Variants in FBXO36 observed in about 807,000 individuals in gnomAD.
FBXO36 encodes F-box protein 36.
A neutral mutation model predicts 17.0 loss-of-function variants in FBXO36; 18 were observed. That is an observed-to-expected ratio of 1.06 (90% confidence interval 0.73 to 1.57). The LOEUF is 1.57. FBXO36 is among the 40% of genes most tolerant of loss of function. FBXO36 has a pLI of 0.00. For synonymous variants in FBXO36, 83 were observed against 85.3 expected (o/e 0.97, Z 0.15); for missense variants, 229 against 221.9 (o/e 1.03, Z -0.20).
chr2:230,009,861 A>T (rs1269396081), intron 3 of FBXO36, among the ~76,000 whole-genome samples: 1 of 152,172 alleles, frequency 6.6e-6, no homozygotes, highest in African/African-American at 2.4e-5. Flanking sequence ...CAGCAGAATC[A>T]CTTGAACCCA....
At chr2:229,980,210 A>G (rs1432794746) in intron 2 of FBXO36, among the ~76,000 whole-genome samples, 2 of 151,988 alleles carry the variant, frequency 1.3e-5, no homozygotes, top group Admixed American at 1.3e-4. Context: ...ACAGGCACAC[A>G]CCACCACACC....
At position 229,969,448 on chromosome 2, in the gene FBXO36, G is replaced by A. The variant is rs191310853; in HGVS notation, c.97-6793G>A. Among the ~76,000 whole-genome samples the A allele has an allele frequency of 7.1e-3, 1,077 of 151,966 alleles. 16 individuals are homozygous for A. The highest frequency in any genetic ancestry group is 0.024 in the African/African-American group (1,011 of 41,432). ...TCACGCCTGTAATCCCAGCACTCTG[G>A]GAGGCTGAGGCGGGTGGATCACGAG... On this transcript the variant is annotated intron_variant, in intron 1 of 3. Transcript: ENST00000283946.
intron 3 of FBXO36, among the ~76,000 whole-genome samples, chr2:229,997,260 G>A (rs1308785869): frequency 1.3e-5 from 2 of 151,548 alleles, no homozygotes; most frequent in African/African-American, 4.8e-5. Flanking sequence ...GAAGACAGGT[G>A]ATCTGGGTTA....
chr2:229,938,422 G>C (rs2076977826), intron 1 of FBXO36, among the ~76,000 whole-genome samples: 1 of 147,812 alleles, frequency 6.8e-6, no homozygotes, highest in South Asian at 2.1e-4. Flanking sequence ...GGGTTGTAGA[G>C]ATGGCGTTGT....
chr2:229,989,709 C>A (rs1462491852), intron 2 of FBXO36, among the ~76,000 whole-genome samples: 1 of 150,720 alleles, frequency 6.6e-6, no homozygotes, highest in Admixed American at 6.6e-5. Context: ...TACAGGCACC[C>A]ACCACCACGC....
intron 2 of FBXO36, among the ~76,000 whole-genome samples, chr2:229,987,469 G>C (rs1326266987): frequency 6.6e-6 from 1 of 151,560 alleles, no homozygotes; most frequent in East Asian, 1.9e-4. Flanking sequence ...TTTTTTCATA[G>C]AACTAACTTT....
intron 1 of FBXO36, among the ~76,000 whole-genome samples, chr2:229,948,424 CT>C (rs1350579890): frequency 5.3e-5 from 8 of 151,900 alleles, no homozygotes; most frequent in Non-Finnish European, 7.4e-5. Flanking sequence ...TACATTCTTC[CT>C]GTGGCAGAAA....
At chr2:229,935,270 A>AT (rs2076958341) in intron 1 of FBXO36, among the ~76,000 whole-genome samples, 1 of 152,180 alleles carries the variant, frequency 6.6e-6, no homozygotes, top group Non-Finnish European at 1.5e-5. Flanking sequence ...AAGCCTGAAA[A>AT]TCATAAGAGT....
intron 1 of FBXO36, among the ~76,000 whole-genome samples, chr2:229,929,414 A>C (rs1035023056): frequency 5.9e-5 from 9 of 151,954 alleles, no homozygotes; most frequent in African/African-American, 2.2e-4. Context: ...AAAAATAGAA[A>C]AATTAGCCAG....
chr2:229,925,929 C>T (rs2076909608), intron 1 of FBXO36, among the ~76,000 whole-genome samples: 1 of 151,822 alleles, frequency 6.6e-6, no homozygotes, highest in African/African-American at 2.4e-5. Context: ...TTTAGTTTCT[C>T]GAAGCTGATC....
intron 2 of FBXO36, among the ~76,000 whole-genome samples, chr2:229,978,917 C>T (rs1294432927): frequency 6.6e-6 from 1 of 152,092 alleles, no homozygotes; most frequent in African/African-American, 2.4e-5. Flanking sequence ...TGGCTCATGC[C>T]TGTAATGCCA....
At chr2:229,937,118 A>G (rs2076968016) in intron 1 of FBXO36, among the ~76,000 whole-genome samples, 2 of 152,132 alleles carry the variant, frequency 1.3e-5, no homozygotes, top group Non-Finnish European at 2.9e-5. Flanking sequence ...TGCTAATTAA[A>G]CTTCGATTTC....
chr2:229,995,670 G>A lies in FBXO36; in HGVS notation c.206-1081G>A, dbSNP rs554066978. Among the ~76,000 whole-genome samples the A allele has an allele frequency of 6.8e-5, 9 of 133,042 alleles. No homozygotes were observed. In the South Asian group the frequency reaches 1.2e-3, roughly 18 times the overall value. 87.3% of individuals were successfully genotyped at this position (133,042 alleles called of 152,430 possible). ...TGCAATGGCATGATCTCAGCTCACC[G>A]CAACCTCCGCCTCCCGGGTTCAAGC... On this transcript the variant is annotated intron_variant, in intron 2 of 3. Transcript: ENST00000283946.
chr2:229,981,942 G>GGGAGCAGGTGTCTTACATGGCA (rs2077242569), intron 2 of FBXO36, among the ~76,000 whole-genome samples: 1 of 152,090 alleles, frequency 6.6e-6, no homozygotes, highest in Non-Finnish European at 1.5e-5. Flanking sequence ...AAGGCAAAGA[G>GGGAGCAGGTGTCTTACATGGCA]GGAGCAGGTG....
intron 1 of FBXO36, among the ~76,000 whole-genome samples, chr2:229,974,495 C>T (rs1303875325): frequency 2.0e-5 from 3 of 152,110 alleles, no homozygotes; most frequent in Non-Finnish European, 4.4e-5. Context: ...TAAGGAATGT[C>T]GAAATAATTT....
chr2:229,960,699 C>T (rs76065987), intron 1 of FBXO36, among the ~76,000 whole-genome samples: 4,471 of 152,184 alleles, frequency 0.029, 226 homozygotes, highest in African/African-American at 0.1. Context: ...GATGGGGTTG[C>T]GCTGCATTGC....
chr2:229,983,836 C>T (rs1432131472), intron 2 of FBXO36, among the ~76,000 whole-genome samples: 6 of 152,114 alleles, frequency 3.9e-5, no homozygotes, highest in African/African-American at 7.2e-5. Flanking sequence ...ATAATAATGG[C>T]ATCTATCTCA....
rs184110392 is a variant in FBXO36 at position 229,931,180 on chromosome 2, G to A, written c.96+8571G>A. Among the ~76,000 whole-genome samples, 56 of 152,282 alleles carry A rather than the reference G, an allele frequency of 3.7e-4. No individual in the cohort carries two copies. In the East Asian group the frequency reaches 0.01, roughly 27 times the overall value. ...GGTGATTAAACTCTTAAAAATAACA[G>A]TATTCACTGTTTAGTTAGTCTAGTC... On this transcript the variant is annotated intron_variant, in intron 1 of 3. Transcript: ENST00000283946.
At chr2:229,936,463 T>C (rs1273286249) in intron 1 of FBXO36, among the ~76,000 whole-genome samples, 1 of 152,208 alleles carries the variant, frequency 6.6e-6, no homozygotes, top group Non-Finnish European at 1.5e-5. Context: ...TCTATGTAAA[T>C]TTATGCTTAT....
Sources: allele counts gnomAD v4.1 joint callset (sites outside exome capture counted in the v4.1 genomes callset), GRCh38; gene constraint gnomAD v4.1.1; transcripts MANE v1.5; gene names NCBI Gene and HGNC (gene_info 2026-07-23, HGNC 2026-07-21).